The following EPSTI1 variants were observed in gnomAD, a reference collection of about 807,000 sequenced individuals.
EPSTI1 encodes the protein epithelial-stromal interaction protein 1.
EPSTI1 carries 66 observed loss-of-function variants against 49.9 expected under a neutral mutation model. The ratio of observed to expected loss-of-function variants is 1.32; its 90% CI spans 1.08 to 1.62. The LOEUF (loss-of-function observed/expected upper bound fraction) is 1.62. Ranked by LOEUF, EPSTI1 falls within the 40% of genes most tolerant of loss-of-function variation. The pLI is 0.00. For missense variants in EPSTI1, 394 were observed against 365.5 expected (o/e 1.08, Z -0.64); for synonymous variants, 137 against 130.7 (o/e 1.05, Z -0.33).
intron 10 of EPSTI1, among the ~76,000 whole-genome samples, chr13:42,890,264 T>C (rs566909674): frequency 6.6e-6 from 1 of 151,804 alleles, no homozygotes; most frequent in Non-Finnish European, 1.5e-5. Context: ...CCACAGCATC[T>C]TTCTACAAAA....
At chr13:42,902,020 T>C (rs1343767438) in intron 8 of EPSTI1, among the ~76,000 whole-genome samples, 1 of 151,896 alleles carries the variant, frequency 6.6e-6, no homozygotes, top group Non-Finnish European at 1.5e-5. Context: ...ATGCGGTGTT[T>C]GGTTTTTTGT....
intron 5 of EPSTI1, among the ~76,000 whole-genome samples, chr13:42,955,717 G>A (rs1984496): frequency 0.56 from 85,191 of 151,694 alleles, 24,597 homozygotes; most frequent in East Asian, 0.82. Flanking sequence ...TAGGAGAATC[G>A]CTTGAACTCG....
At chr13:42,926,657 A>C (rs1205594447) in intron 6 of EPSTI1, among the ~76,000 whole-genome samples, 1 of 152,198 alleles carries the variant, frequency 6.6e-6, no homozygotes, top group East Asian at 1.9e-4. Context: ...TAGCTTTATG[A>C]AATGTGAGCT....
At chr13:42,953,770 T>C (rs930361456) in intron 6 of EPSTI1, among the ~76,000 whole-genome samples, 178 bp downstream of exon 6, 1 of 152,268 alleles carries the variant, frequency 6.6e-6, no homozygotes, top group Admixed American at 6.5e-5. Context: ...AAGGATACTT[T>C]GGTGAGTAGA....
At position 42,974,706 on chromosome 13, in the gene EPSTI1, A is replaced by G. The variant is rs1027186862; in HGVS notation, c.189-4036T>C. ...CTTGCGAGGTCTCTCGAGTTACACA[A>G]CTGCATCTTGTGTGTACATTCTTGC... On this transcript the variant is annotated intron_variant, in intron 1 of 10. Coordinates refer to ENST00000313624, the MANE Select transcript of EPSTI1 (RefSeq NM_033255.5). Among the ~76,000 whole-genome samples, 7 of 152,302 alleles carry G rather than the reference A, an allele frequency of 4.6e-5. No homozygotes were observed. The South Asian group carries it at 1.4e-3, about 32-fold the overall frequency.
chr13:42,989,032 A>ATTTTTTT (rs74772535), intron 1 of EPSTI1, among the ~76,000 whole-genome samples: 7 of 96,122 alleles, frequency 7.3e-5, no homozygotes, highest in Admixed American at 2.6e-4. Context: ...GATAATTTAA[A>ATTTTTTT]TTTTTTTTTT....
chr13:42,892,240 G>C (rs980002137), intron 10 of EPSTI1, among the ~76,000 whole-genome samples: 1 of 152,186 alleles, frequency 6.6e-6, no homozygotes, highest in Non-Finnish European at 1.5e-5. Flanking sequence ...AAGTGATTTG[G>C]GGGTGGCGAA....
At chr13:42,942,528 T>C (rs1306844696) in intron 6 of EPSTI1, among the ~76,000 whole-genome samples, 1 of 152,022 alleles carries the variant, frequency 6.6e-6, no homozygotes, top group East Asian at 1.9e-4. Context: ...ATCTCTGGAA[T>C]TGATATCAAT....
intron 3 of EPSTI1, among the ~76,000 whole-genome samples, chr13:42,964,926 G>A (rs1371788419): frequency 6.6e-6 from 1 of 152,190 alleles, no homozygotes; most frequent in South Asian, 2.1e-4. Flanking sequence ...GTCACTAAAA[G>A]TGTCAGCTCT....
At chr13:42,945,881 G>A (rs1232743981) in intron 6 of EPSTI1, among the ~76,000 whole-genome samples, 2 of 152,172 alleles carry the variant, frequency 1.3e-5, no homozygotes, top group Non-Finnish European at 2.9e-5. Context: ...CCTCTGACCA[G>A]ATTTTTCATA....
In EPSTI1 at chr13:42,991,963, T is replaced by A. The variant is rs942311; in HGVS notation, c.188+15A>T. On this transcript the variant is annotated intron_variant, in intron 1 of 10. Transcript: ENST00000313624. Reference sequence around the variant, plus strand: ...CCGGGCTCCCGCCCCGAAGCCAGGTTGTTAAAATACTCACCGCCTCTGGCC... The same window carrying A: ...CCGGGCTCCCGCCCCGAAGCCAGGTAGTTAAAATACTCACCGCCTCTGGCC... The A allele has an allele frequency of 0.36, 582,734 of 1,611,042 alleles. 114,932 individuals carry two copies. Among genetic ancestry groups the A allele is most frequent in the Non-Finnish European group, 0.41 (478,959 of 1,179,126 alleles).
At chr13:42,908,021 G>A (rs2153414635) in intron 8 of EPSTI1, among the ~76,000 whole-genome samples, 1 of 152,220 alleles carries the variant, frequency 6.6e-6, no homozygotes, top group Middle Eastern at 3.4e-3. Flanking sequence ...AAACAGTAGT[G>A]GGAAAACTGA....
intron 8 of EPSTI1, among the ~76,000 whole-genome samples, chr13:42,912,230 C>T (rs1227063939): frequency 6.6e-6 from 1 of 152,208 alleles, no homozygotes; most frequent in Admixed American, 6.5e-5. Flanking sequence ...GCTAAGTCCA[C>T]CTGCTTCTGA....
intron 1 of EPSTI1, among the ~76,000 whole-genome samples, chr13:42,991,693 T>C (rs2040196707): frequency 6.6e-6 from 1 of 152,230 alleles, no homozygotes; most frequent in Non-Finnish European, 1.5e-5. Context: ...CCTAGGCAGT[T>C]CCGACACACC....
At chr13:42,898,833 A>G (rs1428710235) in intron 9 of EPSTI1, among the ~76,000 whole-genome samples, 1 of 152,262 alleles carries the variant, frequency 6.6e-6, no homozygotes, top group Non-Finnish European at 1.5e-5. Flanking sequence ...AAATCCAGAG[A>G]AATAACTGGC....
chr13:42,895,818 TACCCTATG>T (rs1196242736), intron 9 of EPSTI1, among the ~76,000 whole-genome samples: 1 of 152,136 alleles, frequency 6.6e-6, no homozygotes, highest in African/African-American at 2.4e-5. Context: ...CTGCAATAGG[TACCCTATG>T]ACATCAACAG....
intron 10 of EPSTI1, among the ~76,000 whole-genome samples, chr13:42,891,965 G>T (rs1448257473): frequency 6.6e-6 from 1 of 152,202 alleles, no homozygotes; most frequent in Non-Finnish European, 1.5e-5. Flanking sequence ...CAGGAGCCAG[G>T]GTGAGAGGAC....
rs1300517711 is a variant in EPSTI1, at chr13:42,953,991, G to T, written c.520C>A (p.Gln174Lys). ...AATGCTTCTCTTCTAAGGTTTTCTT[G>T]AAGTCTTTTTTTCTCCTCCAGTTTA... ...SNKLEEKKRL[Q>K]ENLRREAFRE... is the part of the protein sequence containing the mutation. Residue 174 changes from glutamine (Q) to lysine (K), a missense_variant, in exon 6 of 11, where the codon CAA becomes AAA. Coordinates refer to ENST00000313624, the MANE Select transcript of EPSTI1 (RefSeq NM_033255.5). 7.4e-6 allele frequency: 12 copies of T among 1,612,614 alleles called. No individual in the cohort carries two copies. The highest frequency in any genetic ancestry group is 2.7e-5 in the African/African-American group (2 of 74,880).
chr13:42,899,740 A>C (rs1027881163), intron 9 of EPSTI1, among the ~76,000 whole-genome samples: 3 of 152,216 alleles, frequency 2.0e-5, no homozygotes, highest in African/African-American at 7.2e-5. Context: ...GGTGCTTATT[A>C]GCACTGTCCC....
Sources: allele counts gnomAD v4.1 joint callset (sites outside exome capture counted in the v4.1 genomes callset), GRCh38; gene constraint gnomAD v4.1.1; transcripts MANE v1.5; gene names NCBI Gene and HGNC (gene_info 2026-07-23, HGNC 2026-07-21).